PCDH11X: variants seen among roughly 807,000 people sequenced by gnomAD.
The protein encoded by PCDH11X is protocadherin-11 X-linked.
In PCDH11X, 18 loss-of-function variants were observed where a neutral mutation model predicts 53.3. The observed-to-expected ratio is 0.34, with a 90% confidence interval of 0.23 to 0.50. The LOEUF is 0.50. PCDH11X is among the 20% of genes least tolerant of loss of function. The pLI is 0.98. For missense variants in PCDH11X, 570 were observed against 1,032.4 expected (o/e 0.55, Z 6.14); for synonymous variants, 279 against 393.3 (o/e 0.71, Z 3.44).
intron 1 of PCDH11X, among the ~76,000 whole-genome samples, chrX:91,791,393 C>A (rs1175252215): frequency 9.1e-6 from 1 of 110,441 alleles, no homozygotes; most frequent in Non-Finnish European, 1.9e-5. Context: ...GAAGGAGTCA[C>A]GTCTTATATG....
At chrX:91,984,604 G>C (rs375935950) in intron 6 of PCDH11X, among the ~76,000 whole-genome samples, 7 of 110,742 alleles carry the variant, frequency 6.3e-5, no homozygotes, top group East Asian at 2.9e-4. Flanking sequence ...CAACCTGGGA[G>C]TATTACCTTC....
chrX:92,114,988 A>T (rs1327909020), intron 6 of PCDH11X, among the ~76,000 whole-genome samples: 2 of 110,268 alleles, frequency 1.8e-5, no homozygotes, highest in African/African-American at 6.6e-5. Context: ...CCCCACTACC[A>T]TGCCCGGCTG....
intron 6 of PCDH11X, among the ~76,000 whole-genome samples, chrX:92,059,196 A>G (rs1007189299): frequency 1.8e-5 from 2 of 108,558 alleles, no homozygotes; most frequent in African/African-American, 6.7e-5. Context: ...ATATATAAAC[A>G]TAGTAGAAAT....
chrX:92,523,309 G>A (rs773540353), intron 10 of PCDH11X, among the ~76,000 whole-genome samples: 1 of 111,556 alleles, frequency 9.0e-6, no homozygotes. Flanking sequence ...ACAGGGAATA[G>A]TTACTATTAG....
At chrX:91,945,795 C>T (rs1262206570) in intron 6 of PCDH11X, among the ~76,000 whole-genome samples, 1 of 110,157 alleles carries the variant, frequency 9.1e-6, no homozygotes, top group African/African-American at 3.3e-5. Context: ...GAAACCGAAC[C>T]TTTACCCATT....
chrX:92,433,739 T>C (rs142831675), intron 9 of PCDH11X, among the ~76,000 whole-genome samples: 242 of 111,776 alleles, frequency 2.2e-3, no homozygotes, highest in African/African-American at 7.5e-3. Flanking sequence ...TGATATAATG[T>C]ATGTAAAGCT....
chrX:91,980,752 A>G (rs1203604115), intron 6 of PCDH11X, among the ~76,000 whole-genome samples: 1 of 108,757 alleles, frequency 9.2e-6, no homozygotes, highest in Non-Finnish European at 1.9e-5. Flanking sequence ...GGAGATCTGT[A>G]TAGAGCATTT....
intron 8 of PCDH11X, among the ~76,000 whole-genome samples, chrX:92,300,954 G>C (rs1487416407): frequency 3.6e-5 from 4 of 111,946 alleles, no homozygotes; most frequent in Admixed American, 1.9e-4. Flanking sequence ...CTGCTGTTGG[G>C]CAATGGCACA....
intron 8 of PCDH11X, among the ~76,000 whole-genome samples, chrX:92,381,805 T>C (rs144102005): frequency 0.016 from 1,833 of 111,685 alleles, 62 homozygotes; most frequent in Admixed American, 0.12. Context: ...GATGAAGCAG[T>C]GTTCAAACCA....
Position 92,623,071 on chromosome X carries a change from G to C in PCDH11X, c.*4131G>C, listed in dbSNP as rs887428094. 9.0e-6 allele frequency: 1 copy of C among 110,767 alleles called. No individual in the cohort carries two copies. The highest frequency in any genetic ancestry group is 3.3e-5 in the African/African-American group (1 of 30,454). The allele number at this position is 110,767 out of a possible 1,213,427, so 9.1% of individuals were successfully genotyped here. A position where few individuals can be genotyped will look rare whatever the true frequency, so the allele number is the denominator to read the frequency against. ...ATCTGAAAGTGAACAGTATCCCAAA[G>C]CAGTTCCAACCATGCTTTGGAAGTA... On this transcript the variant is annotated 3_prime_UTR_variant, in exon 11 of 11. Transcript: ENST00000682573.
intron 8 of PCDH11X, among the ~76,000 whole-genome samples, chrX:92,353,473 C>A (rs1450005826): frequency 9.0e-6 from 1 of 110,566 alleles, no homozygotes. Context: ...TTCTTATAAA[C>A]TATTCCATCA....
intron 9 of PCDH11X, among the ~76,000 whole-genome samples, chrX:92,446,447 G>A (rs986906057): frequency 4.5e-5 from 5 of 110,964 alleles, no homozygotes; most frequent in African/African-American, 1.6e-4. Context: ...GAATTATGGG[G>A]CAGGCCTTTC....
At chrX:91,930,188 G>A (rs758839529) in intron 6 of PCDH11X, among the ~76,000 whole-genome samples, 1 of 108,144 alleles carries the variant, frequency 9.2e-6, no homozygotes, top group Non-Finnish European at 1.9e-5. Flanking sequence ...GTTCTAAAAC[G>A]TAGACTATTC....
intron 6 of PCDH11X, among the ~76,000 whole-genome samples, chrX:92,186,154 A>G (rs953810203): frequency 8.9e-6 from 1 of 112,120 alleles, no homozygotes; most frequent in African/African-American, 3.2e-5. Flanking sequence ...GTATATATAC[A>G]GAATTGAATA....
At chrX:92,331,382 T>C (rs2148505011) in intron 8 of PCDH11X, among the ~76,000 whole-genome samples, 1 of 98,934 alleles carries the variant, frequency 1.0e-5, no homozygotes, top group African/African-American at 3.7e-5. Context: ...TTCCTCCTCC[T>C]CCTCCTCCTC....
chrX:92,208,539 A>ATATAT (rs1337601368), intron 7 of PCDH11X, among the ~76,000 whole-genome samples: 11 of 75,673 alleles, frequency 1.5e-4, no homozygotes, highest in South Asian at 7.2e-4. Context: ...ATATATATAC[A>ATATAT]ATTTTTTTTA....
intron 6 of PCDH11X, among the ~76,000 whole-genome samples, chrX:92,100,834 C>A (rs961795335): frequency 1.1e-4 from 12 of 110,695 alleles, no homozygotes; most frequent in Non-Finnish European, 2.1e-4. Flanking sequence ...GTGTGGGAAC[C>A]TAGAGTGGGA....
chrX:92,055,120 A>C (rs1187853911), intron 6 of PCDH11X, among the ~76,000 whole-genome samples: 1 of 44,110 alleles, frequency 2.3e-5, no homozygotes, highest in Admixed American at 3.3e-4. Flanking sequence ...AACTTCTCCT[A>C]AAGGAAAGTA....
At chrX:92,249,786 T>C in intron 7 of PCDH11X, among the ~76,000 whole-genome samples, 1 of 111,845 alleles carries the variant, frequency 8.9e-6, no homozygotes, top group Non-Finnish European at 1.9e-5. Context: ...GCTTTCATTA[T>C]AGTACTTTAT....
Sources: gnomAD v4.1 joint callset for allele counts (sites outside exome capture counted in the v4.1 genomes callset) on GRCh38, gnomAD v4.1.1 for gene constraint, MANE v1.5 for transcripts, NCBI Gene and HGNC (gene_info 2026-07-23, HGNC 2026-07-21) for gene names.